PITPNA: variants seen among roughly 807,000 people sequenced by gnomAD.
The protein encoded by PITPNA is phosphatidylinositol transfer protein alpha, also known as phosphatidylinositol transfer protein alpha isoform.
A neutral mutation model predicts 50.3 loss-of-function variants in PITPNA; 13 were observed. The ratio of observed to expected loss-of-function variants is 0.26; its 90% CI spans 0.17 to 0.41. PITPNA has a LOEUF of 0.41. PITPNA is among the 10% of genes least tolerant of loss of function. PITPNA has a pLI of 1.00. For synonymous variants in PITPNA, 120 were observed against 119.6 expected, an observed-to-expected ratio of 1.00 and a Z score of -0.02; for missense variants, 207 against 333.4, an observed-to-expected ratio of 0.62 and a Z score of 2.95.
Position 1,517,782 on chromosome 17 carries a change from A to C in PITPNA, c.*2779T>G, listed in dbSNP as rs921217875. The C allele has an allele frequency of 6.6e-6, 1 of 152,220 alleles. No homozygotes were observed. Among genetic ancestry groups the C allele is most frequent in the South Asian group, 2.1e-4 (1 of 4,832 alleles). The allele number at this position is 152,220 out of a possible 1,614,324, so 9.4% of individuals were successfully genotyped here. Reference sequence around the variant, plus strand: ...AGCAAAAGGACATCCTGTCAGTAGGAAACGGCCGAATTACAATTCAGATGT... The same window carrying C: ...AGCAAAAGGACATCCTGTCAGTAGGCAACGGCCGAATTACAATTCAGATGT... On this transcript the variant is annotated 3_prime_UTR_variant, in exon 12 of 12. Coordinates refer to ENST00000313486, the MANE Select transcript of PITPNA (RefSeq NM_006224.4).
At chr17:1,559,858 A>G (rs1172151233) in intron 1 of PITPNA, 3 of 742,334 alleles carry the variant, frequency 4.0e-6, no homozygotes, top group Non-Finnish European at 4.9e-6. Context: ...CAACTCAAAC[A>G]ACATAAATCC....
intron 4 of PITPNA, among the ~76,000 whole-genome samples, chr17:1,543,267 G>A (rs753822963): frequency 6.6e-6 from 1 of 152,116 alleles, no homozygotes; most frequent in Non-Finnish European, 1.5e-5. Context: ...AAGCGACGCC[G>A]CTATGGGCTT....
rs1161482220 is a variant in PITPNA, at chr17:1,539,068, T to C, written c.373-116A>G. Reference sequence around the variant, plus strand: ...ATAGCCACAGATGTAAGATTCCTAATGATAAGTAATTATACAATTACATAC... The same window carrying C: ...ATAGCCACAGATGTAAGATTCCTAACGATAAGTAATTATACAATTACATAC... On this transcript the variant is annotated intron_variant, in intron 6 of 11. Transcript: ENST00000313486. 7.8e-6 allele frequency: 5 copies of C among 641,148 alleles called. No individual in the cohort carries two copies. In the African/African-American group the frequency reaches 9.2e-5, roughly 12 times the overall value. The allele number at this position is 641,148 out of a possible 1,614,324, so 39.7% of individuals were successfully genotyped here. A position where few individuals can be genotyped will look rare whatever the true frequency, so the allele number is the denominator to read the frequency against.
intron 10 of PITPNA, among the ~76,000 whole-genome samples, chr17:1,524,689 T>C (rs2151002186): frequency 6.6e-6 from 1 of 151,930 alleles, no homozygotes; most frequent in South Asian, 2.1e-4. Flanking sequence ...CTACTAAAAA[T>C]ACAAAAAATA....
At chr17:1,539,049 A>G (rs2075633914) in intron 6 of PITPNA, 97 bp from the exon 7 acceptor site, 1 of 704,510 alleles carries the variant, frequency 1.4e-6, no homozygotes. Context: ...TCCCATAGCC[A>G]CAGATGTAAG....
chr17:1,544,434 G>A (rs533167617), intron 4 of PITPNA, among the ~76,000 whole-genome samples: 16 of 152,070 alleles, frequency 1.1e-4, no homozygotes, highest in Non-Finnish European at 1.8e-4. Flanking sequence ...AAATCATGAG[G>A]GTGACAGCCC....
intron 10 of PITPNA, among the ~76,000 whole-genome samples, chr17:1,525,275 A>C (rs1214234668): frequency 6.6e-6 from 1 of 152,110 alleles, no homozygotes; most frequent in Non-Finnish European, 1.5e-5. Flanking sequence ...AACATGAGCC[A>C]CCACACCCGG....
intron 10 of PITPNA, among the ~76,000 whole-genome samples, chr17:1,531,195 G>A (rs939390315): frequency 6.6e-6 from 1 of 152,062 alleles, no homozygotes; most frequent in East Asian, 1.9e-4. Flanking sequence ...GAGCCCACTG[G>A]GACCCTTCCT....
chr17:1,558,320 C>A (rs1332982409), intron 2 of PITPNA, among the ~76,000 whole-genome samples: 3 of 151,476 alleles, frequency 2.0e-5, no homozygotes, highest in Admixed American at 6.6e-5. Flanking sequence ...AGCATACCAA[C>A]AGCTTGGGAC....
intron 6 of PITPNA, 90 bp from the exon 7 acceptor site, chr17:1,539,042 C>G: frequency 1.4e-6 from 1 of 733,622 alleles, no homozygotes; most frequent in Non-Finnish European, 2.4e-6. Flanking sequence ...CTGCCATTCC[C>G]ATAGCCACAG....
intron 6 of PITPNA, 106 bp from the exon 7 acceptor site, chr17:1,539,058 A>C: frequency 1.5e-6 from 1 of 666,316 alleles, no homozygotes; most frequent in Non-Finnish European, 2.7e-6. Context: ...CACAGATGTA[A>C]GATTCCTAAT....
chr17:1,562,037 A>C lies in PITPNA; in HGVS notation c.20+504T>G, dbSNP rs1442165812. On this transcript the variant is annotated intron_variant, in intron 1 of 11. Transcript: ENST00000313486. The surrounding 1 kb of genome is among the most constrained non-coding windows in gnomAD (Gnocchi z 6.4). ...GAGCCCGCGCCCTCGGCCCGCGCAGAGCGACCCCACAGCACTCCCAGCGCT... is the reference window on the plus strand; with the variant it reads ...GAGCCCGCGCCCTCGGCCCGCGCAGCGCGACCCCACAGCACTCCCAGCGCT... 6.6e-6 allele frequency among the ~76,000 whole-genome samples: 1 copy of C among 151,530 alleles called. No individual in the cohort carries two copies. The highest frequency in any genetic ancestry group is 1.5e-5 in the Non-Finnish European group (1 of 67,854).
At chr17:1,540,828 G>C (rs377401994) in intron 6 of PITPNA, among the ~76,000 whole-genome samples, 1 of 152,054 alleles carries the variant, frequency 6.6e-6, no homozygotes, top group African/African-American at 2.4e-5. Context: ...CTCGTGATCC[G>C]CCTGCCTCGG....
At chr17:1,529,729 C>A (rs1276805303) in intron 10 of PITPNA, among the ~76,000 whole-genome samples, 5 of 151,728 alleles carry the variant, frequency 3.3e-5, no homozygotes, top group African/African-American at 4.8e-5. Context: ...GTGGCGGGCA[C>A]CTGTAGTCCC....
chr17:1,548,523 G>A (rs1166900585), intron 3 of PITPNA, 136 bp from the exon 4 acceptor site: 3 of 613,166 alleles, frequency 4.9e-6, no homozygotes, highest in Non-Finnish European at 8.3e-6. Context: ...GTGGGAGTGA[G>A]AAGTTACGTA....
chr17:1,558,540 A>G lies in PITPNA; in HGVS notation c.40T>C (p.Ser14Pro). ...LKEYRVILPV[S>P]VDEYQVGQLY... ...GTAAAAGGACTTACCTCATCTACAG[A>G]CACAGGCAGGATTACTCGACTATAA... Residue 14 changes from serine (S) to proline (P), a missense_variant, in exon 2 of 12, where the codon TCT (serine) becomes CCT (proline). Ser to Pro is a moderately conservative substitution (Grantham distance 74). Transcript: ENST00000313486. The G allele has an allele frequency of 6.2e-7, 1 of 1,605,114 alleles. No homozygotes were observed. Among genetic ancestry groups the G allele is most frequent in the Non-Finnish European group, 8.5e-7 (1 of 1,172,704 alleles).
chr17:1,558,489 A>G, intron 2 of PITPNA, 40 bp downstream of exon 2: 7 of 1,390,344 alleles, frequency 5.0e-6, no homozygotes, highest in Non-Finnish European at 7.2e-6. Flanking sequence ...GGTCACAAAC[A>G]GTTACACACA....
rs374010923 is a variant in PITPNA, at chr17:1,543,119, T to C, written c.290-92A>G. The C allele has an allele frequency of 9.2e-6, 9 of 978,354 alleles. No homozygotes were observed. The South Asian group carries it at 9.9e-5, about 11-fold the overall frequency. 60.6% of individuals were successfully genotyped at this position (978,354 alleles called of 1,614,324 possible). On this transcript the variant is annotated intron_variant, in intron 4 of 11. Coordinates refer to ENST00000313486, the MANE Select transcript of PITPNA (RefSeq NM_006224.4). ...CCCCACCCCCCACAAGGAGGACGAA[T>C]GGCAGAGTGTACTTTACTCCCTGTG...
At chr17:1,528,308 T>C (rs941413775) in intron 10 of PITPNA, among the ~76,000 whole-genome samples, 2 of 152,156 alleles carry the variant, frequency 1.3e-5, no homozygotes, top group Non-Finnish European at 2.9e-5. Flanking sequence ...ACCTGGCTGA[T>C]TTTTGTATTT....
Sources: gnomAD v4.1 joint callset for allele counts (sites outside exome capture counted in the v4.1 genomes callset) on GRCh38, gnomAD v4.1.1 for gene constraint, Gnocchi (gnomAD v3.1) non-coding constraint, MANE v1.5 for transcripts, NCBI Gene and HGNC (gene_info 2026-07-23, HGNC 2026-07-21) for gene names.